SMC6: variants seen among roughly 807,000 people sequenced by gnomAD.
SMC6 encodes the protein structural maintenance of chromosomes 6.
Under a neutral mutation model 142.2 loss-of-function variants are expected in SMC6, and 79 were observed. That is an observed-to-expected ratio of 0.56 (90% CI 0.46 to 0.67). The LOEUF is 0.67. Ranked by LOEUF, SMC6 falls within the 30% of genes least tolerant of loss-of-function variation. SMC6 has a pLI of 0.00. For missense variants in SMC6, 1,072 were observed against 1,284.0 expected (o/e 0.83, Z 2.52); for synonymous variants, 411 against 412.4 (o/e 1.00, Z 0.04).
intron 23 of SMC6, among the ~76,000 whole-genome samples, chr2:17,686,830 T>C (rs949717013): frequency 1.3e-5 from 2 of 152,196 alleles, no homozygotes; most frequent in African/African-American, 4.8e-5. Context: ...CCACAGATTG[T>C]TTACATGGAT....
intron 7 of SMC6, among the ~76,000 whole-genome samples, chr2:17,729,702 T>C (rs1264211714): frequency 6.6e-6 from 1 of 152,226 alleles, no homozygotes; most frequent in Non-Finnish European, 1.5e-5. Flanking sequence ...TAGTCTGAAA[T>C]TTATTTGCTG....
intron 18 of SMC6, among the ~76,000 whole-genome samples, chr2:17,703,725 A>AT (rs1163799864): frequency 6.6e-6 from 1 of 152,008 alleles, no homozygotes; most frequent in Non-Finnish European, 1.5e-5. Context: ...CTTCCTTATG[A>AT]TTTTAACATA....
intron 18 of SMC6, 49 bp from the exon 19 acceptor site, chr2:17,703,341 T>C (rs781333184): frequency 1.5e-5 from 23 of 1,523,582 alleles, no homozygotes; most frequent in Admixed American, 2.1e-5. Context: ...TTTTTCTCAA[T>C]ATTACAAATA....
intron 17 of SMC6, among the ~76,000 whole-genome samples, chr2:17,707,620 G>T (rs1668614456): frequency 6.6e-6 from 1 of 152,150 alleles, no homozygotes; most frequent in East Asian, 1.9e-4. Context: ...ACAAATTGGT[G>T]TATATTTATT....
intron 18 of SMC6, among the ~76,000 whole-genome samples, chr2:17,704,058 T>C (rs1217764238): frequency 6.6e-6 from 1 of 150,990 alleles, no homozygotes; most frequent in Admixed American, 6.6e-5. Context: ...GTATTATGCA[T>C]AGTGGTAGAC....
intron 18 of SMC6, among the ~76,000 whole-genome samples, chr2:17,704,085 T>C (rs746464683): frequency 2.6e-5 from 4 of 151,496 alleles, no homozygotes; most frequent in Non-Finnish European, 5.9e-5. Flanking sequence ...AGAAACAGAA[T>C]TAAGATGTAA....
Position 17,753,763 on chromosome 2 carries a change from G to A in SMC6, c.-230C>T, listed in dbSNP as rs983936216. 15 of 152,290 alleles carry A rather than the reference G, an allele frequency of 9.8e-5. No homozygotes were observed. Among genetic ancestry groups the A allele is most frequent in the African/African-American group, 3.6e-4 (15 of 41,470 alleles). 9.4% of individuals were successfully genotyped at this position (152,290 alleles called of 1,614,324 possible). A position where few individuals can be genotyped will look rare whatever the true frequency, so the allele number is the denominator to read the frequency against. ...CCCTGGGAACCGCGTGCCGGCCGCAGGAGAAGGTAGATTCCCGGGAGCCCC... is the reference window on the plus strand; with the variant it reads ...CCCTGGGAACCGCGTGCCGGCCGCAAGAGAAGGTAGATTCCCGGGAGCCCC... On this transcript the variant is annotated 5_prime_UTR_variant, in exon 1 of 28. Coordinates refer to ENST00000448223, the MANE Select transcript of SMC6 (RefSeq NM_001142286.2).
intron 24 of SMC6, chr2:17,680,707 G>C (rs1170023939): frequency 1.3e-5 from 2 of 152,140 alleles, no homozygotes; most frequent in Non-Finnish European, 2.9e-5. Flanking sequence ...TGAGCCGTAG[G>C]ACTCAATAGT....
chr2:17,745,656 T>TA (rs1464974845), intron 3 of SMC6, among the ~76,000 whole-genome samples, 171 bp downstream of exon 3: 8 of 141,308 alleles, frequency 5.7e-5, no homozygotes, highest in Non-Finnish European at 1.3e-4. Flanking sequence ...TTTTCTCTAT[T>TA]AATTTTTCTA....
intron 4 of SMC6, among the ~76,000 whole-genome samples, chr2:17,739,997 C>T (rs970442346): frequency 1.1e-4 from 17 of 151,926 alleles, no homozygotes; most frequent in African/African-American, 3.4e-4. Context: ...CATTATCTTC[C>T]GCAAAGTAAC....
Position 17,666,415 on chromosome 2 carries a change from G to C in SMC6, c.3161+5C>G. Reference sequence around the variant, plus strand: ...ATATGTATCTAGAAAGTTTTAAAAAGTTACCTCATGCTTTGAGGTGTGAGC... The same window carrying C: ...ATATGTATCTAGAAAGTTTTAAAAACTTACCTCATGCTTTGAGGTGTGAGC... On this transcript the variant is annotated splice_donor_5th_base_variant and intron_variant, in intron 27 of 27. Coordinates refer to ENST00000448223, the MANE Select transcript of SMC6 (RefSeq NM_001142286.2). 6.2e-7 allele frequency: 1 copy of C among 1,606,898 alleles called. No individual in the cohort carries two copies. The highest frequency in any genetic ancestry group is 8.5e-7 in the Non-Finnish European group (1 of 1,174,612).
intron 25 of SMC6, among the ~76,000 whole-genome samples, 153 bp downstream of exon 25, chr2:17,678,706 T>C (rs1396894444): frequency 1.3e-5 from 2 of 151,552 alleles, no homozygotes; most frequent in East Asian, 1.9e-4. Context: ...AGCCTATGAG[T>C]TCAAGGTTAC....
At chr2:17,708,282 A>G (rs1668651580) in intron 17 of SMC6, among the ~76,000 whole-genome samples, 2 of 152,142 alleles carry the variant, frequency 1.3e-5, no homozygotes. Flanking sequence ...GATATCAAGC[A>G]AAATATTTCA....
chr2:17,723,396 C>T (rs1225175288), intron 9 of SMC6, among the ~76,000 whole-genome samples: 1 of 152,160 alleles, frequency 6.6e-6, no homozygotes, highest in Non-Finnish European at 1.5e-5. Flanking sequence ...TTTATAAGGT[C>T]CTCCACAACC....
chr2:17,689,780 T>C (rs1667621006), intron 23 of SMC6, among the ~76,000 whole-genome samples: 1 of 152,242 alleles, frequency 6.6e-6, no homozygotes, highest in South Asian at 2.1e-4. Flanking sequence ...AGATTACTTA[T>C]AATACCTAAG....
At chr2:17,691,783 G>A (rs1315800422) in intron 23 of SMC6, among the ~76,000 whole-genome samples, 5 of 152,154 alleles carry the variant, frequency 3.3e-5, no homozygotes, top group African/African-American at 1.2e-4. Context: ...TTGTCCGTTT[G>A]CAGATGACAT....
At position 17,718,141 on chromosome 2, in the gene SMC6, G is replaced by C. The variant is rs1042145084; in HGVS notation, c.1028C>G (p.Ala343Gly). 14 of 1,611,462 alleles carry C rather than the reference G, an allele frequency of 8.7e-6. No individual in the cohort carries two copies. The highest frequency in any genetic ancestry group is 1.1e-5 in the Non-Finnish European group (13 of 1,178,524). Residue 343 changes from alanine (A) to glycine (G), a missense_variant, in exon 12 of 28, where the codon GCA (alanine) becomes GGA (glycine). By Grantham distance (60) the Ala-to-Gly change is moderately conservative. Transcript: ENST00000448223. ...TGCTTTCAATGCCATACATTCTGGT[G>C]CTCGTGCATTTGTCTCTTCACTAAT... The part of the protein sequence containing the change: ...EKISEETNAR[A>G]PECMALKADV...
rs981390684 is a variant in SMC6, at chr2:17,716,106, T to G, written c.1505A>C (p.Tyr502Ser). Reference sequence around the variant, plus strand: ...AATACCTAAAGGGCCTACAGGTTTATAGGTAAAATGTCCTTGTCTATAAGC... The same window carrying G: ...AATACCTAAAGGGCCTACAGGTTTAGAGGTAAAATGTCCTTGTCTATAAGC... ...DDAYRQGHFT[Y>S]KPVGPLGACI... is the part of the protein sequence containing the mutation. Residue 502 changes from tyrosine (Y) to serine (S), a missense_variant, in exon 15 of 28, where the codon TAT (tyrosine) becomes TCT (serine). Tyr to Ser is a moderately radical substitution (Grantham distance 144, BLOSUM62 -2). Around this residue, in one of 3 missense-constraint regions of SMC6, gnomAD observed 994 missense variants for 1,153.2 expected, o/e 0.86. Transcript: ENST00000448223. The G allele has an allele frequency of 6.3e-7, 1 of 1,590,400 alleles. No homozygotes were observed.
At chr2:17,746,812 A>G (rs1054909402) in intron 2 of SMC6, among the ~76,000 whole-genome samples, 4 of 152,226 alleles carry the variant, frequency 2.6e-5, no homozygotes, top group African/African-American at 9.6e-5. Flanking sequence ...CTAAAATGAT[A>G]GGTATCTAAT....
Sources: allele counts gnomAD v4.1 joint callset (sites outside exome capture counted in the v4.1 genomes callset), GRCh38; gene constraint gnomAD v4.1.1; regional missense constraint gnomAD v4.1.1; transcripts MANE v1.5; gene names NCBI Gene and HGNC (gene_info 2026-07-23, HGNC 2026-07-21).